Variants in GALNT17 observed in about 807,000 individuals in gnomAD.
GALNT17 encodes the protein UDP-GalNAc:polypeptide N-acetylgalactosaminyltransferase-like 3.
In GALNT17, 29 loss-of-function variants were observed where a neutral mutation model predicts 63.7. That is an observed-to-expected ratio of 0.46 (90% CI 0.34 to 0.62). The LOEUF (loss-of-function observed/expected upper bound fraction) is 0.62, where lower values mean the gene tolerates loss of function less well. Among genes scored for constraint, GALNT17 ranks in the 20% least tolerant of loss-of-function variants. The probability of loss-of-function intolerance (pLI) is 0.01; values close to 1 mark genes in which losing one functional copy is unlikely to be tolerated. For synonymous variants in GALNT17, 305 were observed against 318.3 expected (o/e 0.96, Z 0.45); for missense variants, 603 against 799.6 (o/e 0.75, Z 2.97).
At chr7:71,289,469 C>CTCAT (rs1790937594) in intron 1 of GALNT17, among the ~76,000 whole-genome samples, 1 of 152,174 alleles carries the variant, frequency 6.6e-6, no homozygotes, top group African/African-American at 2.4e-5. Flanking sequence ...GTGCTGTCAC[C>CTCAT]TCATGCCTGT....
At chr7:71,477,546 A>G (rs1315054042) in intron 5 of GALNT17, among the ~76,000 whole-genome samples, 1 of 152,206 alleles carries the variant, frequency 6.6e-6, no homozygotes, top group Non-Finnish European at 1.5e-5. Flanking sequence ...CATGGAGGGC[A>G]GTACCTAGAG....
intron 5 of GALNT17, among the ~76,000 whole-genome samples, chr7:71,527,393 T>G (rs923447059): frequency 6.6e-6 from 1 of 152,200 alleles, no homozygotes; most frequent in Non-Finnish European, 1.5e-5. Context: ...GTGAGATCAG[T>G]CCTCTGAGGA....
chr7:71,346,711 G>A (rs1457948006), intron 2 of GALNT17, among the ~76,000 whole-genome samples: 3 of 135,826 alleles, frequency 2.2e-5, no homozygotes, highest in Non-Finnish European at 3.1e-5. Flanking sequence ...GAGTCTTACA[G>A]CAAGTGGACA....
At chr7:71,237,600 G>A (rs1789918553) in intron 1 of GALNT17, among the ~76,000 whole-genome samples, 1 of 151,918 alleles carries the variant, frequency 6.6e-6, no homozygotes. Flanking sequence ...TGGGAGGACT[G>A]CTTGAGCCCA....
chr7:71,644,584 G>GA (rs1042810553), intron 6 of GALNT17, among the ~76,000 whole-genome samples: 1 of 128,962 alleles, frequency 7.8e-6, no homozygotes, highest in African/African-American at 2.9e-5. Flanking sequence ...AGAAAGAAAA[G>GA]AAAAAAGAAA....
At chr7:71,428,142 G>GTGGCAATAAGAACATTCCCAGTGT (rs2116476968) in intron 5 of GALNT17, among the ~76,000 whole-genome samples, 2 of 152,236 alleles carry the variant, frequency 1.3e-5, no homozygotes, top group South Asian at 4.2e-4. Context: ...GTGAAGTTCA[G>GTGGCAATAAGAACATTCCCAGTGT]TGGCAATAAG....
intron 6 of GALNT17, among the ~76,000 whole-genome samples, chr7:71,609,081 A>G (rs1057203785): frequency 1.3e-5 from 2 of 151,928 alleles, no homozygotes; most frequent in Non-Finnish European, 2.9e-5. Flanking sequence ...GCACCCAGCC[A>G]TCTTTTACTC....
At chr7:71,423,803 T>A (rs149722001) in intron 5 of GALNT17, among the ~76,000 whole-genome samples, 7 of 152,006 alleles carry the variant, frequency 4.6e-5, no homozygotes, top group African/African-American at 1.4e-4. Flanking sequence ...GCTCTTGTAA[T>A]CTCAGCTACC....
intron 6 of GALNT17, among the ~76,000 whole-genome samples, chr7:71,572,223 A>T (rs530858096): frequency 2.6e-5 from 4 of 151,072 alleles, no homozygotes; most frequent in East Asian, 2.0e-4. Flanking sequence ...TGAAAAATAA[A>T]AAAAAAAAAA....
chr7:71,599,964 C>A (rs1161070393), intron 6 of GALNT17, among the ~76,000 whole-genome samples: 2 of 151,680 alleles, frequency 1.3e-5, no homozygotes, highest in Non-Finnish European at 2.9e-5. Flanking sequence ...CATGCCTCAC[C>A]CCCCAGCCAA....
intron 1 of GALNT17, among the ~76,000 whole-genome samples, chr7:71,176,626 G>A (rs1788643732): frequency 1.3e-5 from 2 of 152,082 alleles, no homozygotes; most frequent in African/African-American, 4.8e-5. Flanking sequence ...CTTCTTCTTG[G>A]AACAGACAAC....
intron 1 of GALNT17, among the ~76,000 whole-genome samples, chr7:71,301,222 G>A (rs1179459984): frequency 6.6e-6 from 1 of 151,812 alleles, no homozygotes; most frequent in South Asian, 2.1e-4. Context: ...AGGAGTTCGA[G>A]GCTGCAGTGA....
chr7:71,639,031 C>G (rs980301984), intron 6 of GALNT17, among the ~76,000 whole-genome samples: 11 of 152,016 alleles, frequency 7.2e-5, no homozygotes, highest in Non-Finnish European at 1.6e-4. Flanking sequence ...GATAGCACGA[C>G]AGGGTGACTA....
At chr7:71,557,243 A>G (rs1789180692) in intron 5 of GALNT17, among the ~76,000 whole-genome samples, 1 of 152,180 alleles carries the variant, frequency 6.6e-6, no homozygotes, top group African/African-American at 2.4e-5. Context: ...GCATTGATAT[A>G]GGATGTCCTA....
At chr7:71,511,591 A>G (rs1788357336) in intron 5 of GALNT17, among the ~76,000 whole-genome samples, 1 of 152,144 alleles carries the variant, frequency 6.6e-6, no homozygotes, top group African/African-American at 2.4e-5. Flanking sequence ...GTCCTAGGAC[A>G]TGGGCCCTGT....
intron 1 of GALNT17, among the ~76,000 whole-genome samples, chr7:71,228,239 G>A (rs1293041972): frequency 2.0e-5 from 3 of 152,126 alleles, no homozygotes; most frequent in African/African-American, 7.2e-5. Flanking sequence ...GCTGGACTCT[G>A]CTAAAAGCTC....
intron 5 of GALNT17, among the ~76,000 whole-genome samples, chr7:71,540,277 C>T (rs867662165): frequency 1.3e-5 from 2 of 151,076 alleles, no homozygotes; most frequent in East Asian, 2.0e-4. Context: ...CCACTATGCC[C>T]GGCTAATTTT....
At chr7:71,220,641 A>G (rs1789566058) in intron 1 of GALNT17, among the ~76,000 whole-genome samples, 1 of 152,150 alleles carries the variant, frequency 6.6e-6, no homozygotes, top group African/African-American at 2.4e-5. Context: ...GGGCTTTGAA[A>G]GAGAAAATGG....
At chr7:71,235,669 A>C (rs1789875019) in intron 1 of GALNT17, among the ~76,000 whole-genome samples, 1 of 152,220 alleles carries the variant, frequency 6.6e-6, no homozygotes, top group Non-Finnish European at 1.5e-5. Context: ...TCAGGCTCCC[A>C]GTGATGGAAA....
Sources: gnomAD v4.1 joint callset for allele counts (sites outside exome capture counted in the v4.1 genomes callset) on GRCh38, gnomAD v4.1.1 for gene constraint, MANE v1.5 for transcripts, NCBI Gene and HGNC (gene_info 2026-07-23, HGNC 2026-07-21) for gene names.